Variants in KANSL1 observed in about 807,000 individuals in gnomAD.
KANSL1 encodes MLL1/MLL complex subunit KANSL1.
KANSL1 carries 22 observed loss-of-function variants against 103.6 expected under a neutral mutation model. The ratio of observed to expected loss-of-function variants is 0.21; its 90% confidence interval spans 0.15 to 0.30. The LOEUF is 0.30. Ranked by LOEUF, KANSL1 falls within the 10% of genes least tolerant of loss-of-function variation. The probability of loss-of-function intolerance (pLI) is 1.00; values close to 1 mark genes in which losing one functional copy is unlikely to be tolerated. For missense variants in KANSL1, 1,337 were observed against 1,399.8 expected, an observed-to-expected ratio of 0.96 and a Z score of 0.72; for synonymous variants, 600 against 527.6, an observed-to-expected ratio of 1.14 and a Z score of -1.88.
chr17:46,124,735 C>T (rs72628325), intron 2 of KANSL1, among the ~76,000 whole-genome samples: 21,598 of 151,576 alleles, frequency 0.14, 1,758 homozygotes, highest in East Asian at 0.46. Context: ...CATGGATAAT[C>T]GAGAGGTTCA....
At chr17:46,061,814 G>A (rs147165231) in intron 6 of KANSL1, among the ~76,000 whole-genome samples, 6 of 152,172 alleles carry the variant, frequency 3.9e-5, no homozygotes, top group East Asian at 3.9e-4. Flanking sequence ...CAGATTGGCC[G>A]GGCGCGGTGG....
intron 3 of KANSL1, among the ~76,000 whole-genome samples, chr17:46,082,933 T>A (rs1026785650): frequency 2.6e-5 from 4 of 152,192 alleles, no homozygotes; most frequent in African/African-American, 9.6e-5. Context: ...CTGAAAATGC[T>A]ACTATTCTTA....
At chr17:46,151,664 T>C (rs1157843238) in intron 2 of KANSL1, among the ~76,000 whole-genome samples, 3 of 152,256 alleles carry the variant, frequency 2.0e-5, no homozygotes, top group East Asian at 1.9e-4. Flanking sequence ...GAGTACTTGA[T>C]ACATATTAAT....
In KANSL1 at chr17:46,067,587, T is replaced by C. The variant is rs769766286; in HGVS notation, c.1614A>G (p.Ser538=). 6.2e-7 allele frequency: 1 copy of C among 1,608,746 alleles called. No homozygotes were observed. Among genetic ancestry groups the C allele is most frequent in the Non-Finnish European group, 8.5e-7 (1 of 1,175,176 alleles). ...CATTGACAGGTCTGAGTGCTCCACATGATTTGGTAGACAGTGACTCTGAAA... is the reference window on the plus strand; with the variant it reads ...CATTGACAGGTCTGAGTGCTCCACACGATTTGGTAGACAGTGACTCTGAAA... ...GHISESLSTK[S]CGALRPVNGV... is the part of the protein sequence containing the mutation. The change falls in exon 5 of 15, where the codon TCA becomes TCG. Residue 538 remains serine (S), a synonymous_variant. Coordinates refer to ENST00000432791, the MANE Select transcript of KANSL1 (RefSeq NM_015443.4).
At chr17:46,100,214 T>G (rs1428734248) in intron 2 of KANSL1, among the ~76,000 whole-genome samples, 1 of 152,200 alleles carries the variant, frequency 6.6e-6, no homozygotes, top group African/African-American at 2.4e-5. Context: ...TTTCTTCATG[T>G]GACTCAACAA....
At chr17:46,157,670 T>C (rs911874661) in intron 2 of KANSL1, among the ~76,000 whole-genome samples, 24 of 152,278 alleles carry the variant, frequency 1.6e-4, no homozygotes, top group Admixed American at 3.9e-4. Context: ...CTGCAAATAC[T>C]AAATTAGCTT....
At chr17:46,116,886 G>C (rs1052695487) in intron 2 of KANSL1, among the ~76,000 whole-genome samples, 6 of 152,174 alleles carry the variant, frequency 3.9e-5, no homozygotes, top group African/African-American at 7.2e-5. Context: ...GCTTCCAAAA[G>C]AGTGTTTGAA....
intron 1 of KANSL1, among the ~76,000 whole-genome samples, chr17:46,181,634 G>A (rs867968572): frequency 3.3e-5 from 5 of 152,162 alleles, no homozygotes; most frequent in Admixed American, 6.5e-5. Flanking sequence ...GTTTCACCAC[G>A]TTGGCCAGGC....
At chr17:46,173,799 A>C (rs1164909635) in intron 1 of KANSL1, among the ~76,000 whole-genome samples, 1 of 152,226 alleles carries the variant, frequency 6.6e-6, no homozygotes, top group Non-Finnish European at 1.5e-5. Context: ...GAACAGCAAA[A>C]ATTATGAATT....
chr17:46,157,790 TCA>T (rs2045508342), intron 2 of KANSL1, among the ~76,000 whole-genome samples: 1 of 152,252 alleles, frequency 6.6e-6, no homozygotes, highest in Non-Finnish European at 1.5e-5. Context: ...TAAGCAAGCT[TCA>T]TTCTGTTTTC....
intron 2 of KANSL1, among the ~76,000 whole-genome samples, chr17:46,133,088 A>G (rs537917191): frequency 6.6e-6 from 1 of 152,260 alleles, no homozygotes; most frequent in Non-Finnish European, 1.5e-5. Context: ...TCAGGTCCTC[A>G]CAACAGCCCA....
chr17:46,217,470 T>TAAA (rs34158594), intron 1 of KANSL1, among the ~76,000 whole-genome samples: 2 of 140,210 alleles, frequency 1.4e-5, no homozygotes, highest in East Asian at 4.2e-4. Context: ...AGAGAGACTC[T>TAAA]AAAAAAAAAA....
At chr17:46,118,572 AT>A (rs2043142248) in intron 2 of KANSL1, among the ~76,000 whole-genome samples, 1 of 152,254 alleles carries the variant, frequency 6.6e-6, no homozygotes, top group Non-Finnish European at 1.5e-5. Context: ...GGGTCCCAGA[AT>A]TTACATTTCT....
rs778768994 is a variant in KANSL1 at position 46,193,356 on chromosome 17, T to TGGCGGCGGCGGCGGCGGCGGC, written c.-624_-623insGCCGCCGCCGCCGCCGCCGCC. The stretch of plus-strand genomic sequence containing the variant: ...CCGGCTCGGCGAGCGGTGGCGGCGG[T>TGGCGGCGGCGGCGGCGGCGGC]GGCGGCGGCACTGGGAAAATGGCGG... On this transcript the variant is annotated 5_prime_UTR_variant, in exon 1 of 15. Transcript: ENST00000432791. The TGGCGGCGGCGGCGGCGGCGGC allele has an allele frequency of 6.4e-6, 1 of 156,764 alleles. No individual in the cohort carries two copies. Among genetic ancestry groups the TGGCGGCGGCGGCGGCGGCGGC allele is most frequent in the Non-Finnish European group, 1.4e-5 (1 of 72,836 alleles). 9.7% of individuals were successfully genotyped at this position (156,764 alleles called of 1,614,324 possible).
intron 2 of KANSL1, among the ~76,000 whole-genome samples, chr17:46,126,973 AAC>A (rs1203322125): frequency 6.6e-6 from 1 of 152,236 alleles, no homozygotes. Flanking sequence ...AATAAAGAAC[AAC>A]AGAGGGGATC....
At chr17:46,114,671 C>T (rs142257620) in intron 2 of KANSL1, among the ~76,000 whole-genome samples, 13 of 152,188 alleles carry the variant, frequency 8.5e-5, no homozygotes, top group East Asian at 1.9e-4. Flanking sequence ...CTTGATAGAG[C>T]TATATTAGGA....
At chr17:46,167,362 A>T (rs2046058012) in intron 2 of KANSL1, among the ~76,000 whole-genome samples, 2 of 152,234 alleles carry the variant, frequency 1.3e-5, no homozygotes. Context: ...TACATATGAT[A>T]ATTAAATGCT....
At chr17:46,065,069 G>A (rs2078328277) in intron 6 of KANSL1, among the ~76,000 whole-genome samples, 1 of 151,572 alleles carries the variant, frequency 6.6e-6, no homozygotes, top group Non-Finnish European at 1.5e-5. Context: ...TCAACCTGGT[G>A]GGCTCAAATG....
At chr17:46,188,825 G>A (rs916135175) in intron 1 of KANSL1, among the ~76,000 whole-genome samples, 10 of 152,010 alleles carry the variant, frequency 6.6e-5, no homozygotes, top group Admixed American at 3.3e-4. Context: ...GAGGTCCGGA[G>A]TTCAACACCA....
Sources: allele counts gnomAD v4.1 joint callset (sites outside exome capture counted in the v4.1 genomes callset), GRCh38; gene constraint gnomAD v4.1.1; transcripts MANE v1.5; gene names NCBI Gene and HGNC (gene_info 2026-07-23, HGNC 2026-07-21).